Variants in FBXL20 observed in about 807,000 individuals in gnomAD.
FBXL20 encodes F-box and leucine rich repeat protein 20.
Under a neutral mutation model 64.0 loss-of-function variants are expected in FBXL20, and 11 were observed. That is an observed-to-expected ratio of 0.17 (90% confidence interval 0.11 to 0.28). The LOEUF (loss-of-function observed/expected upper bound fraction) is 0.28, where lower values mean the gene tolerates loss of function less well. FBXL20 is among the 10% of genes least tolerant of loss of function. FBXL20 has a pLI of 1.00. For synonymous variants in FBXL20, 184 were observed against 189.0 expected (o/e 0.97, Z 0.22); for missense variants, 303 against 526.2 (o/e 0.58, Z 4.15).
intron 1 of FBXL20, among the ~76,000 whole-genome samples, chr17:39,363,134 T>C (rs2047815871): frequency 6.7e-6 from 1 of 150,262 alleles, no homozygotes; most frequent in Admixed American, 6.6e-5. Flanking sequence ...CCCGAGCTAC[T>C]AGGGAGGCTG....
intron 2 of FBXL20, among the ~76,000 whole-genome samples, chr17:39,332,536 C>CTTTTTTTTT (rs58827473): frequency 3.1e-5 from 3 of 96,944 alleles, no homozygotes; most frequent in Non-Finnish European, 1.9e-5. Flanking sequence ...TTCTTTGTAT[C>CTTTTTTTTT]TTTTTTTTTT....
At position 39,294,405 on chromosome 17, in the gene FBXL20, A is replaced by G. The variant is rs530389880; in HGVS notation, c.398+2722T>C. ...AGCAATCCTCCCACCTCAGCCTCCC[A>G]AGTAGCTTGGACTACAGGCATATGC... is the stretch of plus-strand genomic sequence containing the variant. On this transcript the variant is annotated intron_variant, in intron 6 of 14. Transcript: ENST00000264658. Among the ~76,000 whole-genome samples the G allele has an allele frequency of 9.2e-5, 14 of 151,964 alleles. No homozygotes were observed. The East Asian group carries it at 1.2e-3, about 13-fold the overall frequency.
intron 9 of FBXL20, among the ~76,000 whole-genome samples, chr17:39,278,766 G>A (rs1169051818): frequency 5.8e-5 from 6 of 103,414 alleles, no homozygotes; most frequent in Non-Finnish European, 1.1e-4. Flanking sequence ...GGCTGGTCTC[G>A]ATCTCCTGAC....
chr17:39,306,013 A>G (rs1218737077), intron 2 of FBXL20, among the ~76,000 whole-genome samples: 7 of 151,846 alleles, frequency 4.6e-5, no homozygotes, highest in African/African-American at 1.7e-4. Context: ...AAAAAAAAAC[A>G]AAGTAGCCAG....
intron 2 of FBXL20, among the ~76,000 whole-genome samples, chr17:39,314,437 C>T (rs2047265409): frequency 6.6e-6 from 1 of 152,160 alleles, no homozygotes; most frequent in Non-Finnish European, 1.5e-5. Flanking sequence ...ACTGCAACCT[C>T]CTCCTCCCAG....
intron 12 of FBXL20, among the ~76,000 whole-genome samples, chr17:39,267,967 G>T (rs1015384090): frequency 6.6e-6 from 1 of 152,024 alleles, no homozygotes; most frequent in Non-Finnish European, 1.5e-5. Context: ...GACATATCTC[G>T]CCTTCTTTAT....
In FBXL20 at chr17:39,253,995, C is replaced by T. The variant is rs772000929; in HGVS notation, c.*7465G>A. ...AGAAGGTTCAGGCTAAGGTAAGAAA[C>T]ATATATGTGTGAGCAGCAATGAGGT... On this transcript the variant is annotated 3_prime_UTR_variant, in exon 15 of 15. Transcript: ENST00000264658. 1.3e-5 allele frequency: 2 copies of T among 152,082 alleles called. No individual in the cohort carries two copies. Among genetic ancestry groups the T allele is most frequent in the Non-Finnish European group, 2.9e-5 (2 of 68,008 alleles). The allele number at this position is 152,082 out of a possible 1,614,324, so 9.4% of individuals were successfully genotyped here.
intron 2 of FBXL20, among the ~76,000 whole-genome samples, chr17:39,308,245 G>A (rs1037892941): frequency 7.9e-5 from 12 of 151,736 alleles, no homozygotes; most frequent in Non-Finnish European, 1.3e-4. Context: ...CCCAAAGTGC[G>A]GGCATTACAG....
intron 2 of FBXL20, among the ~76,000 whole-genome samples, chr17:39,339,788 C>T (rs556096905): frequency 6.6e-5 from 10 of 151,904 alleles, no homozygotes; most frequent in Admixed American, 4.6e-4. Flanking sequence ...GGACTACAGG[C>T]GCGCACCACC....
chr17:39,388,489 A>ATT (rs1555615468), intron 1 of FBXL20, among the ~76,000 whole-genome samples: 2 of 144,772 alleles, frequency 1.4e-5, no homozygotes, highest in Non-Finnish European at 3.0e-5. Context: ...TTTTTTTTTA[A>ATT]TTTTTTTTTT....
Position 39,401,486 on chromosome 17 carries a change from G to T in FBXL20, c.-84C>A. ...GGCCCAGGACAGGCCCGGGAGTTCC[G>T]GGACGGGGACTGGGCGCCGGAGGGG... On this transcript the variant is annotated 5_prime_UTR_variant, in exon 1 of 15. Coordinates refer to ENST00000264658, the MANE Select transcript of FBXL20 (RefSeq NM_032875.3). 6.6e-7 allele frequency: 1 copy of T among 1,517,768 alleles called. No individual in the cohort carries two copies. The highest frequency in any genetic ancestry group is 1.2e-5 in the South Asian group (1 of 80,772). The allele number at this position is 1,517,768 out of a possible 1,614,324, so 94.0% of individuals were successfully genotyped here.
At chr17:39,335,948 C>T (rs2047517405) in intron 2 of FBXL20, among the ~76,000 whole-genome samples, 1 of 152,102 alleles carries the variant, frequency 6.6e-6, no homozygotes, top group Non-Finnish European at 1.5e-5. Flanking sequence ...CAAAACCAGC[C>T]TGGTCAACAA....
chr17:39,375,582 G>A (rs1381661394), intron 1 of FBXL20, among the ~76,000 whole-genome samples: 1 of 152,096 alleles, frequency 6.6e-6, no homozygotes, highest in Non-Finnish European at 1.5e-5. Context: ...TAAGGTGATG[G>A]ATACCCAAGT....
chr17:39,400,795 TAC>T (rs2048233799), intron 1 of FBXL20, among the ~76,000 whole-genome samples: 1 of 152,052 alleles, frequency 6.6e-6, no homozygotes, highest in African/African-American at 2.4e-5. Flanking sequence ...GCTACAGAAG[TAC>T]AGACTAAACG....
At chr17:39,271,597 CAAAAAAAAAA>C (rs11362087) in intron 10 of FBXL20, among the ~76,000 whole-genome samples, 6 of 50,776 alleles carry the variant, frequency 1.2e-4, no homozygotes, top group South Asian at 1.3e-3. Flanking sequence ...GGCTCCGACT[CAAAAAAAAAA>C]AAAAAAAAAA....
rs373765928 is a variant in FBXL20, at chr17:39,274,816, C to T, written c.827+154G>A. Among the ~76,000 whole-genome samples the T allele has an allele frequency of 3.3e-5, 5 of 152,168 alleles. No homozygotes were observed. The East Asian group carries it at 7.7e-4, about 24-fold the overall frequency. The stretch of plus-strand genomic sequence containing the variant: ...CAATTACATGAAATCAAATGAGGTA[C>T]AAAAAGGAAGTAGGTGGGCATCTAA... On this transcript the variant is annotated intron_variant, in intron 10 of 14. Coordinates refer to ENST00000264658, the MANE Select transcript of FBXL20 (RefSeq NM_032875.3).
At chr17:39,372,024 C>T (rs2047922891) in intron 1 of FBXL20, among the ~76,000 whole-genome samples, 1 of 152,182 alleles carries the variant, frequency 6.6e-6, no homozygotes, top group Admixed American at 6.6e-5. Context: ...ACAGACAAAT[C>T]ATGACCTGCC....
chr17:39,341,817 T>C (rs1202693418), intron 2 of FBXL20, among the ~76,000 whole-genome samples: 1 of 152,242 alleles, frequency 6.6e-6, no homozygotes, highest in Admixed American at 6.5e-5. Flanking sequence ...CTGGTTGATT[T>C]AGAAGTTTCT....
At chr17:39,371,114 A>C (rs1362905692) in intron 1 of FBXL20, among the ~76,000 whole-genome samples, 1 of 152,098 alleles carries the variant, frequency 6.6e-6, no homozygotes, top group African/African-American at 2.4e-5. Flanking sequence ...GCTACTAAGG[A>C]GGCTGAGGCA....
Sources: gnomAD v4.1 joint callset for allele counts (sites outside exome capture counted in the v4.1 genomes callset) on GRCh38, gnomAD v4.1.1 for gene constraint, MANE v1.5 for transcripts, NCBI Gene and HGNC (gene_info 2026-07-23, HGNC 2026-07-21) for gene names.